SHISA9: variants seen among roughly 807,000 people sequenced by gnomAD.
The protein encoded by SHISA9 is shisa family member 9.
A neutral mutation model predicts 38.0 loss-of-function variants in SHISA9; 13 were observed. The ratio of observed to expected loss-of-function variants is 0.34; its 90% CI spans 0.22 to 0.54. The LOEUF is 0.54. Among genes scored for constraint, SHISA9 ranks in the 20% least tolerant of loss-of-function variants. The pLI is 0.91. For synonymous variants in SHISA9, 275 were observed against 242.0 expected, an observed-to-expected ratio of 1.14 and a Z score of -1.27; for missense variants, 538 against 575.8, an observed-to-expected ratio of 0.93 and a Z score of 0.67.
the SHISA9 span, among the ~76,000 whole-genome samples, chr16:13,415,107 G>A: frequency 4.6e-5 from 7 of 152,208 alleles, no homozygotes; most frequent in South Asian, 2.1e-4. Flanking sequence ...GGCTACAATC[G>A]ATTTACACCT....
the SHISA9 span, among the ~76,000 whole-genome samples, chr16:13,498,261 C>T: frequency 6.6e-6 from 1 of 152,050 alleles, no homozygotes; most frequent in African/African-American, 2.4e-5. Context: ...TTTTAAAAGG[C>T]TGCCTTTAAA....
At chr16:13,222,820 A>T (rs951762782) in intron 4 of SHISA9, among the ~76,000 whole-genome samples, 1 of 65,800 alleles carries the variant, frequency 1.5e-5, no homozygotes, top group Admixed American at 1.8e-4. Flanking sequence ...ATACATACAC[A>T]CACCACAAGG....
intron 4 of SHISA9, among the ~76,000 whole-genome samples, chr16:13,225,310 G>T (rs2051268528): frequency 6.6e-6 from 1 of 152,114 alleles, no homozygotes; most frequent in African/African-American, 2.4e-5. Flanking sequence ...ATGTATTTCT[G>T]TTGTTTTAAG....
At chr16:12,958,520 A>G (rs532113086) in intron 2 of SHISA9, among the ~76,000 whole-genome samples, 1 of 152,200 alleles carries the variant, frequency 6.6e-6, no homozygotes, top group Non-Finnish European at 1.5e-5. Flanking sequence ...GCTGGACACA[A>G]TATGTCTTCA....
intron 2 of SHISA9, among the ~76,000 whole-genome samples, chr16:13,115,217 A>G (rs1049855401): frequency 3.3e-5 from 5 of 152,090 alleles, no homozygotes; most frequent in Non-Finnish European, 7.4e-5. Flanking sequence ...GGTCAGGGAG[A>G]CCCTAACCTA....
chr16:13,112,864 G>C lies in SHISA9; in HGVS notation c.692-90530G>C, dbSNP rs116103489. Among the ~76,000 whole-genome samples the C allele has an allele frequency of 4.7e-3, 709 of 152,134 alleles. 3 individuals are homozygous for C. Among genetic ancestry groups the C allele is most frequent in the African/African-American group, 0.017 (689 of 41,482 alleles). Reference sequence around the variant, plus strand: ...CTGAAACTAAATCCGGTGTCACTTAGAATTAGGGTCTCTTTTTACCCTAAT... The same window carrying C: ...CTGAAACTAAATCCGGTGTCACTTACAATTAGGGTCTCTTTTTACCCTAAT... On this transcript the variant is annotated intron_variant, in intron 2 of 4. Coordinates refer to ENST00000558583, the MANE Select transcript of SHISA9 (RefSeq NM_001145204.3).
At chr16:13,314,207 T>G in the SHISA9 span, among the ~76,000 whole-genome samples, 2 of 151,602 alleles carry the variant, frequency 1.3e-5, no homozygotes, top group Non-Finnish European at 2.9e-5. Flanking sequence ...TATTTCATTT[T>G]TTTTTATTTT....
At chr16:13,070,715 C>T (rs1020809118) in intron 2 of SHISA9, among the ~76,000 whole-genome samples, 24 of 152,192 alleles carry the variant, frequency 1.6e-4, no homozygotes, top group Admixed American at 1.6e-3. Flanking sequence ...CGCTCATTAG[C>T]AAACCTATGC....
At chr16:13,008,639 C>G (rs925773556) in intron 2 of SHISA9, among the ~76,000 whole-genome samples, 5 of 55,140 alleles carry the variant, frequency 9.1e-5, no homozygotes, top group Middle Eastern at 7.5e-3. Context: ...TCTCTCCTCC[C>G]TCCCTCCCTC....
chr16:13,114,405 G>A (rs1435537603), intron 2 of SHISA9, among the ~76,000 whole-genome samples: 1 of 147,164 alleles, frequency 6.8e-6, no homozygotes, highest in African/African-American at 2.6e-5. Flanking sequence ...GGCGGAGCTT[G>A]CAGTGAGACG....
chr16:13,076,363 C>T (rs965540280), intron 2 of SHISA9, among the ~76,000 whole-genome samples: 1 of 152,184 alleles, frequency 6.6e-6, no homozygotes, highest in Non-Finnish European at 1.5e-5. Flanking sequence ...TAAGATGCTA[C>T]TCTGCCTCTG....
At chr16:13,380,366 A>T in the SHISA9 span, among the ~76,000 whole-genome samples, 897 of 152,320 alleles carry the variant, frequency 5.9e-3, 14 homozygotes, top group African/African-American at 0.021. Context: ...AAATGTTTCA[A>T]TGCTTTAAAA....
the SHISA9 span, among the ~76,000 whole-genome samples, chr16:13,540,212 C>CAT: frequency 6.6e-6 from 1 of 152,200 alleles, no homozygotes; most frequent in East Asian, 1.9e-4. Context: ...CACACACACA[C>CAT]ACACACACAC....
At chr16:13,156,375 G>C (rs1256556037) in intron 2 of SHISA9, among the ~76,000 whole-genome samples, 1 of 152,134 alleles carries the variant, frequency 6.6e-6, no homozygotes, top group Non-Finnish European at 1.5e-5. Context: ...TTAATTGTGT[G>C]TACACGCGTA....
At chr16:13,168,623 G>C (rs1432983365) in intron 2 of SHISA9, among the ~76,000 whole-genome samples, 2 of 152,234 alleles carry the variant, frequency 1.3e-5, no homozygotes, top group African/African-American at 2.4e-5. Flanking sequence ...CTACTGCCTA[G>C]AGAAAGCTGG....
chr16:13,409,162 A>C, the SHISA9 span, among the ~76,000 whole-genome samples: 1 of 152,184 alleles, frequency 6.6e-6, no homozygotes, highest in South Asian at 2.1e-4. Context: ...GGGTAGTCGG[A>C]GAGGAGTTCG....
the SHISA9 span, among the ~76,000 whole-genome samples, chr16:13,400,397 C>A: frequency 8.3e-4 from 127 of 152,164 alleles, no homozygotes; most frequent in African/African-American, 2.7e-3. Flanking sequence ...TTTCCTAGAA[C>A]TACTTAGCAA....
chr16:13,226,811 G>A (rs1287138913), intron 4 of SHISA9, among the ~76,000 whole-genome samples: 1 of 152,122 alleles, frequency 6.6e-6, no homozygotes, highest in Non-Finnish European at 1.5e-5. Flanking sequence ...TGGTCTATGG[G>A]TTTCTCATCC....
At chr16:13,019,939 C>CT (rs1567184212) in intron 2 of SHISA9, among the ~76,000 whole-genome samples, 1 of 90,596 alleles carries the variant, frequency 1.1e-5, no homozygotes, top group Admixed American at 1.2e-4. Context: ...TTCTTTCTTT[C>CT]TTTCTTTCTT....
Sources: gnomAD v4.1 joint callset for allele counts (sites outside exome capture counted in the v4.1 genomes callset) on GRCh38, gnomAD v4.1.1 for gene constraint, MANE v1.5 for transcripts, NCBI Gene and HGNC (gene_info 2026-07-23, HGNC 2026-07-21) for gene names.